CMSS1: variants seen among roughly 807,000 people sequenced by gnomAD.
CMSS1 encodes cms1 ribosomal small subunit homolog, also known as protein CMSS1.
Under a neutral mutation model 43.5 loss-of-function variants are expected in CMSS1, and 33 were observed. The ratio of observed to expected loss-of-function variants is 0.76; its 90% CI spans 0.57 to 1.01. CMSS1 has a LOEUF of 1.01. Ranked by LOEUF, CMSS1 falls within the 50% of genes least tolerant of loss-of-function variation. CMSS1 has a pLI of 0.00. For synonymous variants in CMSS1, 115 were observed against 117.2 expected (o/e 0.98, Z 0.12); for missense variants, 313 against 326.4 (o/e 0.96, Z 0.32).
intron 1 of CMSS1, among the ~76,000 whole-genome samples, chr3:99,828,499 T>C (rs1333877108): frequency 6.6e-6 from 1 of 151,358 alleles, no homozygotes; most frequent in Non-Finnish European, 1.5e-5. Flanking sequence ...TCAGTCAGTC[T>C]GGAGTGCAGT....
At chr3:100,024,228 G>T (rs930096518) in intron 1 of CMSS1, among the ~76,000 whole-genome samples, 5 of 152,118 alleles carry the variant, frequency 3.3e-5, no homozygotes, top group African/African-American at 7.2e-5. Flanking sequence ...CTTTCCCATT[G>T]CAGTAGAAGC....
At chr3:99,943,607 G>A (rs1260393328) in intron 1 of CMSS1, among the ~76,000 whole-genome samples, 1 of 152,118 alleles carries the variant, frequency 6.6e-6, no homozygotes, top group African/African-American at 2.4e-5. Context: ...GGGAGGCTGA[G>A]GCAGGAGAAT....
intron 1 of CMSS1, among the ~76,000 whole-genome samples, chr3:99,866,399 T>G (rs777162463): frequency 2.6e-5 from 4 of 152,064 alleles, no homozygotes; most frequent in Non-Finnish European, 5.9e-5. Context: ...AAATTCAAAC[T>G]TCAGAAATTT....
intron 9 of CMSS1, among the ~76,000 whole-genome samples, chr3:100,177,819 A>G: frequency 6.6e-6 from 1 of 152,136 alleles, no homozygotes; most frequent in Non-Finnish European, 1.5e-5. Flanking sequence ...CTGTCTCTAC[A>G]AAACAATAAT....
intron 1 of CMSS1, among the ~76,000 whole-genome samples, chr3:100,038,305 G>T (rs2065144951): frequency 6.6e-6 from 1 of 152,102 alleles, no homozygotes; most frequent in Non-Finnish European, 1.5e-5. Flanking sequence ...AATAAGAAAA[G>T]TAATGAAGTA....
intron 1 of CMSS1, among the ~76,000 whole-genome samples, chr3:99,933,156 C>T (rs968788048): frequency 2.0e-5 from 3 of 152,302 alleles, no homozygotes; most frequent in East Asian, 3.9e-4. Context: ...GGGACCCACA[C>T]TCTTAAAAAT....
intron 1 of CMSS1, among the ~76,000 whole-genome samples, chr3:99,865,755 AATAT>A (rs57042892): frequency 6.7e-6 from 1 of 149,592 alleles, no homozygotes. Context: ...CATAATAATA[AATAT>A]ATATATATAT....
intron 2 of CMSS1, among the ~76,000 whole-genome samples, chr3:100,155,121 T>C (rs2066959534): frequency 6.6e-6 from 1 of 152,254 alleles, no homozygotes; most frequent in Admixed American, 6.5e-5. Flanking sequence ...TGACATAATC[T>C]ACTGACATCC....
At chr3:100,170,713 A>C (rs1576120706) in intron 6 of CMSS1, among the ~76,000 whole-genome samples, 1 of 152,232 alleles carries the variant, frequency 6.6e-6, no homozygotes, top group Non-Finnish European at 1.5e-5. Flanking sequence ...CTGATGCCAA[A>C]GTAGAGGTAG....
chr3:99,994,762 A>G (rs748017110), intron 1 of CMSS1, among the ~76,000 whole-genome samples: 3 of 152,216 alleles, frequency 2.0e-5, no homozygotes, highest in African/African-American at 4.8e-5. Flanking sequence ...CACTTCTTAC[A>G]TGGGGGTGGC....
intron 1 of CMSS1, among the ~76,000 whole-genome samples, chr3:99,949,247 A>G (rs548151234): frequency 7.9e-5 from 12 of 152,338 alleles, no homozygotes; most frequent in Non-Finnish European, 1.8e-4. Context: ...TAGGCCTACA[A>G]AAAAACTTTA....
intron 1 of CMSS1, among the ~76,000 whole-genome samples, chr3:99,877,663 T>TA (rs1705580494): frequency 6.6e-6 from 1 of 152,236 alleles, no homozygotes; most frequent in Non-Finnish European, 1.5e-5. Context: ...TTGTTGGTTT[T>TA]AACTCTTCTG....
At chr3:100,001,233 A>T (rs1709833521) in intron 1 of CMSS1, among the ~76,000 whole-genome samples, 1 of 152,236 alleles carries the variant, frequency 6.6e-6, no homozygotes, top group Non-Finnish European at 1.5e-5. Context: ...TGACCAGCAG[A>T]TCAAATCAGA....
At chr3:100,157,596 T>G (rs2066986856) in intron 2 of CMSS1, among the ~76,000 whole-genome samples, 1 of 152,216 alleles carries the variant, frequency 6.6e-6, no homozygotes. Context: ...GCCATTCCAT[T>G]TTTCCAAAGA....
Position 100,160,494 on chromosome 3 carries a change from G to T in CMSS1, c.218G>T (p.Arg73Ile), listed in dbSNP as rs749640486. 1.4e-6 allele frequency: 2 copies of T among 1,472,538 alleles called. No individual in the cohort carries two copies. Among genetic ancestry groups the T allele is most frequent in the South Asian group, 2.3e-5 (2 of 86,666 alleles). 91.2% of individuals were successfully genotyped at this position (1,472,538 alleles called of 1,614,324 possible). ...GAGAATACCACCAAGACCAGGAAAA[G>T]AAGAAAGGTAATATTAATAATTTCT... ...RKENTTKTRK[R>I]RKKKITDVLA... Residue 73 changes from arginine to isoleucine, a missense_variant, in exon 3 of 10, where the codon AGA (arginine) becomes ATA (isoleucine). Coordinates refer to ENST00000421999, the MANE Select transcript of CMSS1 (RefSeq NM_032359.4).
intron 1 of CMSS1, among the ~76,000 whole-genome samples, chr3:99,951,640 A>G (rs1325020332): frequency 6.6e-6 from 1 of 152,140 alleles, no homozygotes; most frequent in East Asian, 1.9e-4. Flanking sequence ...CTCCCCCACC[A>G]CATATACACA....
chr3:100,123,956 G>C (rs937432687), intron 1 of CMSS1, among the ~76,000 whole-genome samples: 2 of 152,124 alleles, frequency 1.3e-5, no homozygotes, highest in African/African-American at 4.8e-5. Context: ...TAGTGGTCTG[G>C]GTAGAGAGGG....
At chr3:100,087,448 C>A (rs562562017) in intron 1 of CMSS1, among the ~76,000 whole-genome samples, 10 of 152,290 alleles carry the variant, frequency 6.6e-5, no homozygotes, top group African/African-American at 1.9e-4. Flanking sequence ...ATAGTGGTAT[C>A]TCCTTGTGGT....
At chr3:100,066,675 G>A (rs1194617089) in intron 1 of CMSS1, among the ~76,000 whole-genome samples, 1 of 131,228 alleles carries the variant, frequency 7.6e-6, no homozygotes, top group Non-Finnish European at 1.7e-5. Flanking sequence ...GGGACTACAG[G>A]CGCCCGCCAC....
Sources: allele counts gnomAD v4.1 joint callset (sites outside exome capture counted in the v4.1 genomes callset), GRCh38; gene constraint gnomAD v4.1.1; transcripts MANE v1.5; gene names NCBI Gene and HGNC (gene_info 2026-07-23, HGNC 2026-07-21).